CEP112: variants seen among roughly 807,000 people sequenced by gnomAD.
CEP112 encodes the protein centrosomal protein 112, also known as centrosomal protein of 112 kDa.
CEP112 carries 127 observed loss-of-function variants against 153.0 expected under a neutral mutation model. The observed-to-expected ratio is 0.83, with a 90% confidence interval of 0.72 to 0.96. CEP112 has a LOEUF of 0.96. Among genes scored for constraint, CEP112 ranks in the 40% least tolerant of loss-of-function variants. The pLI is 0.00. For synonymous variants in CEP112, 358 were observed against 374.4 expected, an observed-to-expected ratio of 0.96 and a Z score of 0.51; for missense variants, 1,089 against 1,101.2, an observed-to-expected ratio of 0.99 and a Z score of 0.16.
chr17:66,079,618 G>A (rs572557639), intron 8 of CEP112, among the ~76,000 whole-genome samples: 6 of 152,192 alleles, frequency 3.9e-5, no homozygotes, highest in African/African-American at 1.4e-4. Context: ...TCCCCATCAA[G>A]CTACCATTGA....
chr17:65,641,907 A>T (rs537933143), intron 24 of CEP112, among the ~76,000 whole-genome samples: 1 of 152,166 alleles, frequency 6.6e-6, no homozygotes, highest in African/African-American at 2.4e-5. Flanking sequence ...GGGCATAGGA[A>T]GGTTCCTGGT....
chr17:65,831,076 C>A (rs957886153), intron 21 of CEP112, among the ~76,000 whole-genome samples: 5 of 152,136 alleles, frequency 3.3e-5, no homozygotes, highest in Non-Finnish European at 7.3e-5. Flanking sequence ...GGTCTGATAC[C>A]ACCAAAGAAT....
intron 8 of CEP112, among the ~76,000 whole-genome samples, chr17:66,077,866 C>T (rs1343349590): frequency 2.6e-5 from 4 of 152,310 alleles, no homozygotes; most frequent in Non-Finnish European, 5.9e-5. Flanking sequence ...TTCCTTTTAC[C>T]GTGCAAAAGC....
rs368692721 is a variant in CEP112 at position 65,896,689 on chromosome 17, T to C, written c.2163+5463A>G. 1.6e-4 allele frequency among the ~76,000 whole-genome samples: 24 copies of C among 152,166 alleles called. 2 individuals carry two copies. Among genetic ancestry groups the C allele is most frequent in the African/African-American group, 5.3e-4 (22 of 41,544 alleles). The stretch of plus-strand genomic sequence containing the variant: ...TTTGCCCCCTCTATTTGGAAAATTC[T>C]GTATGACCTATGCTTTTGGTGTCAG... On this transcript the variant is annotated intron_variant, in intron 20 of 26. Transcript: ENST00000535342.
chr17:65,768,767 A>G (rs2053160148), intron 21 of CEP112, among the ~76,000 whole-genome samples: 1 of 152,142 alleles, frequency 6.6e-6, no homozygotes, highest in Non-Finnish European at 1.5e-5. Flanking sequence ...CAGTTTAGAT[A>G]CAGAAGGAAA....
At chr17:66,054,842 C>T (rs1022518641) in intron 11 of CEP112, among the ~76,000 whole-genome samples, 4 of 152,156 alleles carry the variant, frequency 2.6e-5, no homozygotes, top group Non-Finnish European at 5.9e-5. Flanking sequence ...GTGCAACCTC[C>T]GCCTCCCAGG....
At chr17:66,040,105 T>A (rs972126749) in intron 12 of CEP112, among the ~76,000 whole-genome samples, 25 of 152,328 alleles carry the variant, frequency 1.6e-4, no homozygotes, top group African/African-American at 6.0e-4. Flanking sequence ...TGTGCCTATG[T>A]CAAGCCTCAG....
At chr17:66,123,069 T>TGCAGAGGGAGTAGCTTTCTTGTTCCCG (rs2069674235) in intron 6 of CEP112, among the ~76,000 whole-genome samples, 1 of 152,224 alleles carries the variant, frequency 6.6e-6, no homozygotes, top group Non-Finnish European at 1.5e-5. Flanking sequence ...CTGGGCACTG[T>TGCAGAGGGAGTAGCTTTCTTGTTCCCG]GCAGAGGGAG....
intron 18 of CEP112, among the ~76,000 whole-genome samples, chr17:65,952,034 A>G (rs866709555): frequency 4.6e-5 from 7 of 152,256 alleles, no homozygotes; most frequent in African/African-American, 1.4e-4. Flanking sequence ...AGGATTTCCC[A>G]GATTTTCTTT....
intron 4 of CEP112, among the ~76,000 whole-genome samples, chr17:66,154,706 C>G (rs1443617806): frequency 1.3e-5 from 2 of 151,402 alleles, no homozygotes; most frequent in African/African-American, 4.8e-5. Context: ...ACTCTCTGAT[C>G]TTGTAACAGG....
chr17:65,744,875 A>G (rs1163691542), intron 22 of CEP112, among the ~76,000 whole-genome samples: 2 of 152,198 alleles, frequency 1.3e-5, no homozygotes, highest in Admixed American at 1.3e-4. Flanking sequence ...CTTCTAATAA[A>G]AGAAACAACA....
intron 6 of CEP112, among the ~76,000 whole-genome samples, chr17:66,098,096 C>T (rs2068421660): frequency 6.6e-6 from 1 of 152,204 alleles, no homozygotes; most frequent in Admixed American, 6.5e-5. Flanking sequence ...CAATTAAAGG[C>T]AATCAATCGT....
At position 65,902,192 on chromosome 17, in the gene CEP112, T is replaced by G. The variant is rs1289747991; in HGVS notation, c.2123A>C (p.His708Pro). The G allele has an allele frequency of 6.2e-7, 1 of 1,613,902 alleles. No homozygotes were observed. Among genetic ancestry groups the G allele is most frequent in the East Asian group, 2.2e-5 (1 of 44,868 alleles). ...CTTGAACTCCTGAATTTGATTTTCG[T>G]GCTCCATATTGGCAGCGCGAAGCTG... Reference protein sequence around the residue: ...EKQLRAANMEHENQIQEFKKR... With the variant: ...EKQLRAANMEPENQIQEFKKR... The change falls in exon 20 of 27, where the codon CAC becomes CCC. Residue 708 changes from histidine to proline, a missense_variant. Transcript: ENST00000535342.
At chr17:66,076,338 C>T (rs1000791075) in intron 8 of CEP112, among the ~76,000 whole-genome samples, 6 of 152,104 alleles carry the variant, frequency 3.9e-5, no homozygotes, top group Admixed American at 6.5e-5. Flanking sequence ...TCACCCACTG[C>T]CTGGAAATAG....
intron 8 of CEP112, among the ~76,000 whole-genome samples, chr17:66,083,816 A>C (rs2067815550): frequency 6.6e-6 from 1 of 152,086 alleles, no homozygotes; most frequent in Non-Finnish European, 1.5e-5. Flanking sequence ...GTGCCACTGC[A>C]CTCCACACTC....
At chr17:65,819,126 T>C (rs943392158) in intron 21 of CEP112, among the ~76,000 whole-genome samples, 1 of 151,968 alleles carries the variant, frequency 6.6e-6, no homozygotes, top group Non-Finnish European at 1.5e-5. Context: ...TTTTTATAAA[T>C]TGACATTTGC....
intron 21 of CEP112, among the ~76,000 whole-genome samples, chr17:65,806,225 A>T (rs566812823): frequency 6.6e-6 from 1 of 152,224 alleles, no homozygotes; most frequent in Non-Finnish European, 1.5e-5. Flanking sequence ...ATGCATAAAC[A>T]AGTAAAACAA....
At position 66,053,649 on chromosome 17, in the gene CEP112, T is replaced by C. The variant is rs2066543611; in HGVS notation, c.1218+87A>G. On this transcript the variant is annotated intron_variant, in intron 12 of 26. Coordinates refer to ENST00000535342, the MANE Select transcript of CEP112 (RefSeq NM_001199165.4). ...CTTTTGATTCTGTAACACACTTCTT[T>C]CTACACTGTGCACATCAGGGAAACA... 2.6e-5 allele frequency: 35 copies of C among 1,334,506 alleles called. No homozygotes were observed. The South Asian group carries it at 5.1e-4, about 20-fold the overall frequency. The allele number at this position is 1,334,506 out of a possible 1,614,324, so 82.7% of individuals were successfully genotyped here. A position where few individuals can be genotyped will look rare whatever the true frequency, so the allele number is the denominator to read the frequency against.
intron 17 of CEP112, among the ~76,000 whole-genome samples, chr17:65,970,403 C>A (rs1411054025): frequency 7.5e-6 from 1 of 133,724 alleles, no homozygotes; most frequent in African/African-American, 2.9e-5. Flanking sequence ...CATGCATGCA[C>A]ACATCATGCA....
Sources: allele counts gnomAD v4.1 joint callset (sites outside exome capture counted in the v4.1 genomes callset), GRCh38; gene constraint gnomAD v4.1.1; transcripts MANE v1.5; gene names NCBI Gene and HGNC (gene_info 2026-07-23, HGNC 2026-07-21).